The following BRINP3 variants were observed in gnomAD, a reference collection of about 807,000 sequenced individuals.
The protein encoded by BRINP3 is BMP/retinoic acid-inducible neural-specific protein 3.
BRINP3 carries 19 observed loss-of-function variants against 71.0 expected under a neutral mutation model. The observed-to-expected ratio is 0.27, with a 90% CI of 0.19 to 0.39. The LOEUF (loss-of-function observed/expected upper bound fraction) is 0.39, where lower values mean the gene tolerates loss of function less well. Ranked by LOEUF, BRINP3 falls within the 10% of genes least tolerant of loss-of-function variation. The pLI, the probability that BRINP3 is intolerant of heterozygous loss-of-function variation, is 1.00. For missense variants in BRINP3, 959 were observed against 940.8 expected, an observed-to-expected ratio of 1.02 and a Z score of -0.25; for synonymous variants, 380 against 337.7, an observed-to-expected ratio of 1.13 and a Z score of -1.37.
chr1:190,262,964 G>T (rs1426283299), intron 4 of BRINP3, among the ~76,000 whole-genome samples: 2 of 151,988 alleles, frequency 1.3e-5, no homozygotes, highest in Non-Finnish European at 2.9e-5. Flanking sequence ...TGGGAGAAGA[G>T]AAGTATATGC....
chr1:190,279,152 G>C (rs1662852526), intron 3 of BRINP3, among the ~76,000 whole-genome samples: 1 of 151,670 alleles, frequency 6.6e-6, no homozygotes, highest in South Asian at 2.1e-4. Flanking sequence ...CTTTTTCAGA[G>C]GAGGAGTTAT....
chr1:190,314,982 T>A (rs1665786096), intron 2 of BRINP3, among the ~76,000 whole-genome samples: 1 of 152,064 alleles, frequency 6.6e-6, no homozygotes, highest in Non-Finnish European at 1.5e-5. Flanking sequence ...AAAATAGAAG[T>A]TAAAATCAGA....
At chr1:190,138,633 T>C (rs1655172724) in intron 7 of BRINP3, among the ~76,000 whole-genome samples, 1 of 152,096 alleles carries the variant, frequency 6.6e-6, no homozygotes, top group African/African-American at 2.4e-5. Context: ...AATTGAACGC[T>C]GTGAAACTTG....
At chr1:190,369,407 C>T (rs1237335791) in intron 2 of BRINP3, among the ~76,000 whole-genome samples, 1 of 151,626 alleles carries the variant, frequency 6.6e-6, no homozygotes, top group African/African-American at 2.4e-5. Flanking sequence ...TATAATTAAG[C>T]TTTAAATTAA....
intron 2 of BRINP3, among the ~76,000 whole-genome samples, chr1:190,336,364 T>A (rs1667285097): frequency 6.6e-6 from 1 of 152,106 alleles, no homozygotes; most frequent in Non-Finnish European, 1.5e-5. Context: ...TTTTTGTTTG[T>A]TTGTTTATAA....
chr1:190,202,615 G>A (rs1040666725), intron 6 of BRINP3, among the ~76,000 whole-genome samples: 2 of 152,178 alleles, frequency 1.3e-5, no homozygotes, highest in Non-Finnish European at 2.9e-5. Context: ...GCTGTGGGAG[G>A]GACCTCATGG....
intron 7 of BRINP3, among the ~76,000 whole-genome samples, chr1:190,144,380 C>T (rs1036124135): frequency 1.2e-4 from 18 of 152,012 alleles, no homozygotes; most frequent in African/African-American, 4.1e-4. Flanking sequence ...TTCATGATAG[C>T]CCTGGAATCT....
intron 7 of BRINP3, among the ~76,000 whole-genome samples, chr1:190,108,350 G>A (rs1398642058): frequency 2.0e-5 from 3 of 151,898 alleles, no homozygotes; most frequent in African/African-American, 7.3e-5. Flanking sequence ...GTGTGTGTGT[G>A]TGTGTGTGCG....
At chr1:190,132,187 A>G (rs1654600723) in intron 7 of BRINP3, among the ~76,000 whole-genome samples, 1 of 152,090 alleles carries the variant, frequency 6.6e-6, no homozygotes, top group Non-Finnish European at 1.5e-5. Flanking sequence ...TTTGCATATC[A>G]TACTCTTCTG....
intron 2 of BRINP3, among the ~76,000 whole-genome samples, chr1:190,440,594 T>C (rs1674750945): frequency 6.6e-6 from 1 of 151,906 alleles, no homozygotes; most frequent in Non-Finnish European, 1.5e-5. Context: ...ATTTACTAGA[T>C]GAGGACTCAA....
At chr1:190,342,165 G>T (rs2103114751) in intron 2 of BRINP3, among the ~76,000 whole-genome samples, 2 of 151,452 alleles carry the variant, frequency 1.3e-5, no homozygotes, top group East Asian at 2.0e-4. Flanking sequence ...CTACTTATAA[G>T]AATTACTGTG....
At chr1:190,382,566 G>T (rs1039367927) in intron 2 of BRINP3, among the ~76,000 whole-genome samples, 2 of 152,020 alleles carry the variant, frequency 1.3e-5, no homozygotes, top group African/African-American at 4.8e-5. Context: ...TAATCTTCCC[G>T]AGGAAAAGAC....
At chr1:190,216,113 T>C (rs1379056315) in intron 6 of BRINP3, among the ~76,000 whole-genome samples, 1 of 151,690 alleles carries the variant, frequency 6.6e-6, no homozygotes, top group East Asian at 1.9e-4. Flanking sequence ...CTGGCAATTT[T>C]GGTAATTATT....
At chr1:190,199,771 GAAAAAA>G (rs35752025) in intron 6 of BRINP3, among the ~76,000 whole-genome samples, 1 of 123,528 alleles carries the variant, frequency 8.1e-6, no homozygotes, top group Non-Finnish European at 1.7e-5. Context: ...CAAGGCATAG[GAAAAAA>G]AAAAAAACAA....
chr1:190,304,982 CA>C (rs1192052079), intron 2 of BRINP3, among the ~76,000 whole-genome samples: 2 of 151,806 alleles, frequency 1.3e-5, no homozygotes, highest in African/African-American at 4.8e-5. Context: ...CAAAAGAAGA[CA>C]TACAAATGGC....
At chr1:190,235,977 G>A (rs1328656684) in intron 4 of BRINP3, among the ~76,000 whole-genome samples, 1 of 151,842 alleles carries the variant, frequency 6.6e-6, no homozygotes, top group East Asian at 1.9e-4. Context: ...CATATCCACA[G>A]AACATATTAA....
chr1:190,117,814 C>T (rs1461767564), intron 7 of BRINP3, among the ~76,000 whole-genome samples: 1 of 151,982 alleles, frequency 6.6e-6, no homozygotes, highest in East Asian at 1.9e-4. Context: ...CAAGATTCTG[C>T]TCATTTCATC....
At chr1:190,145,441 T>C (rs2102403381) in intron 7 of BRINP3, among the ~76,000 whole-genome samples, 1 of 152,334 alleles carries the variant, frequency 6.6e-6, no homozygotes, top group South Asian at 2.1e-4. Context: ...GTGTTCTCTT[T>C]TGAACTGCTT....
rs1675879357 is a variant in BRINP3, at chr1:190,454,778, T to C, written c.113A>G (p.Gln38Arg). ...CCAGTCGAAGGGGCTTGTGGCATGCTGATCCGAAACAGCAGCAACCGCTAA... is the reference window on the plus strand; with the variant it reads ...CCAGTCGAAGGGGCTTGTGGCATGCCGATCCGAAACAGCAGCAACCGCTAA... Reference protein sequence around the residue: ...WVLAVAAVSDQHATSPFDWLL... With the variant: ...WVLAVAAVSDRHATSPFDWLL... The change falls in exon 2 of 8, where the codon CAG becomes CGG. Residue 38 changes from glutamine to arginine, a missense_variant. Gln to Arg is a conservative substitution (Grantham distance 43). Transcript: ENST00000367462. The C allele has an allele frequency of 1.2e-6, 2 of 1,614,210 alleles. No individual in the cohort carries two copies. The highest frequency in any genetic ancestry group is 1.7e-6 in the Non-Finnish European group (2 of 1,180,032).
Sources: gnomAD v4.1 joint callset for allele counts (sites outside exome capture counted in the v4.1 genomes callset) on GRCh38, gnomAD v4.1.1 for gene constraint, MANE v1.5 for transcripts, NCBI Gene and HGNC (gene_info 2026-07-23, HGNC 2026-07-21) for gene names.